Variants in MFN2 observed in about 807,000 individuals in gnomAD.
MFN2 encodes the protein mitofusin-2.
MFN2 carries 43 observed loss-of-function variants against 87.5 expected under a neutral mutation model. The ratio of observed to expected loss-of-function variants is 0.49; its 90% CI spans 0.38 to 0.63. The LOEUF is 0.63. Among genes scored for constraint, MFN2 ranks in the 30% least tolerant of loss-of-function variants. MFN2 has a pLI of 0.00. For synonymous variants in MFN2, 337 were observed against 359.9 expected, an observed-to-expected ratio of 0.94 and a Z score of 0.72; for missense variants, 743 against 972.8, an observed-to-expected ratio of 0.76 and a Z score of 3.14.
In MFN2 at chr1:12,011,571, A is replaced by T. The variant is rs1156820690; in HGVS notation, c.*6A>T. ...ACCTGCAGCCCAGCAGATAGTGGGC[A>T]CCTGAGGCGGAGTCTGCGTGGAGAG... On this transcript the variant is annotated 3_prime_UTR_variant, in exon 19 of 19. Transcript: ENST00000235329. The T allele has an allele frequency of 6.2e-7, 1 of 1,613,754 alleles. No homozygotes were observed. The highest frequency in any genetic ancestry group is 1.1e-5 in the South Asian group (1 of 91,060).
intron 3 of MFN2, among the ~76,000 whole-genome samples, chr1:11,991,785 G>T (rs866044332): frequency 6.7e-6 from 1 of 150,342 alleles, no homozygotes; most frequent in Non-Finnish European, 1.5e-5. Flanking sequence ...TTAGCCGGGC[G>T]TAGTGGCGGG....
intron 16 of MFN2, 125 bp from the exon 17 acceptor site, chr1:12,006,928 G>A (rs889180162): frequency 1.5e-6 from 2 of 1,347,858 alleles, no homozygotes; most frequent in Non-Finnish European, 2.1e-6. Context: ...ATTGAAAGAG[G>A]AACTCAGAGT....
intron 17 of MFN2, 73 bp downstream of exon 17, chr1:12,007,322 C>T: frequency 6.4e-7 from 1 of 1,551,800 alleles, no homozygotes; most frequent in Non-Finnish European, 8.8e-7. Flanking sequence ...TTCCCCATCT[C>T]TCTTCCCACG....
Position 12,003,236 on chromosome 1 carries a change from G to A in MFN2, c.1161-756G>A, listed in dbSNP as rs1639254740. Among the ~76,000 whole-genome samples the A allele has an allele frequency of 1.3e-5, 2 of 150,898 alleles. No individual in the cohort carries two copies. The highest frequency in any genetic ancestry group is 4.9e-5 in the African/African-American group (2 of 40,924). ...GTTTCCAGTTTTAGTCAGTTTTCTT[G>A]ATGCTCTTCAGAACAGCCGTACCCA... On this transcript the variant is annotated intron_variant, in intron 11 of 18. Transcript: ENST00000235329. The surrounding 1 kb of genome is among the most constrained non-coding windows in gnomAD (Gnocchi z 4.1).
At chr1:12,000,968 C>T (rs1047878850) in intron 8 of MFN2, among the ~76,000 whole-genome samples, 1 of 152,156 alleles carries the variant, frequency 6.6e-6, no homozygotes, top group Non-Finnish European at 1.5e-5. Context: ...TAGTGGGGGA[C>T]ATTACACTGT....
chr1:11,992,849 G>C (rs781590452), intron 4 of MFN2, among the ~76,000 whole-genome samples, 159 bp downstream of exon 4: 28 of 151,650 alleles, frequency 1.8e-4, no homozygotes, highest in Non-Finnish European at 3.2e-4. Flanking sequence ...TTTGAGACAG[G>C]GTTCTCTGTC....
intron 1 of MFN2, among the ~76,000 whole-genome samples, chr1:11,981,609 C>A (rs1645985475): frequency 6.6e-6 from 1 of 152,242 alleles, no homozygotes; most frequent in Non-Finnish European, 1.5e-5. Flanking sequence ...TCAGTCAGTT[C>A]TTCTGTTCCT....
Position 11,995,706 on chromosome 1 carries a change from A to G in MFN2, c.312-450A>G, listed in dbSNP as rs114160628. On this transcript the variant is annotated intron_variant, in intron 4 of 18. Transcript: ENST00000235329. ...CTGGCAGTTGTCAGCTGGGACTCAC[A>G]AGGTGGAGCTTCATGTGTAAGGAGG... is the stretch of plus-strand genomic sequence containing the variant. Among the ~76,000 whole-genome samples the G allele has an allele frequency of 7.2e-3, 1,101 of 152,272 alleles. 11 individuals are homozygous for G. The highest frequency in any genetic ancestry group is 0.025 in the African/African-American group (1,033 of 41,558).
chr1:11,994,814 C>T (rs1416572858), intron 4 of MFN2, among the ~76,000 whole-genome samples: 3 of 152,118 alleles, frequency 2.0e-5, no homozygotes, highest in East Asian at 3.8e-4. Flanking sequence ...TCACTGGGTG[C>T]AGGTAAGGTC....
chr1:11,990,920 C>T (rs761366611), intron 3 of MFN2, among the ~76,000 whole-genome samples: 62 of 152,158 alleles, frequency 4.1e-4, no homozygotes, highest in Non-Finnish European at 7.3e-4. Context: ...CCTTTCATGG[C>T]GCTGGCTGTG....
chr1:12,001,384 A>C lies in MFN2; in HGVS notation c.817-17A>C. 6.2e-7 allele frequency: 1 copy of C among 1,612,916 alleles called. No individual in the cohort carries two copies. The highest frequency in any genetic ancestry group is 1.3e-5 in the African/African-American group (1 of 75,012). On this transcript the variant is annotated splice_polypyrimidine_tract_variant and intron_variant, in intron 8 of 18. Transcript: ENST00000235329. ...GGCCACCTACACTCACTCTGGACACATTTGTTTGGGCTCCAGGTGCGGCGG... is the reference window on the plus strand; with the variant it reads ...GGCCACCTACACTCACTCTGGACACCTTTGTTTGGGCTCCAGGTGCGGCGG...
chr1:12,007,275 AG>A lies in MFN2; in HGVS notation c.2069+30del, dbSNP rs768942921. Reference sequence around the variant, plus strand: ...GTGAGTGGCCCTGTCGGACCCCAGCAGGGGACTTCCTTTAGGCAGGGTCAGC... The same window carrying A: ...GTGAGTGGCCCTGTCGGACCCCAGCAGGGACTTCCTTTAGGCAGGGTCAGC... On this transcript the variant is annotated intron_variant, in intron 17 of 18. Transcript: ENST00000235329. 13 of 1,610,610 alleles carry A rather than the reference AG, an allele frequency of 8.1e-6. No individual in the cohort carries two copies. The Admixed American group carries it at 2.0e-4, about 25-fold the overall frequency.
chr1:11,997,462 G>A, intron 6 of MFN2, 41 bp downstream of exon 6: 1 of 1,612,588 alleles, frequency 6.2e-7, no homozygotes, highest in African/African-American at 1.3e-5. Flanking sequence ...AAACTGGAAG[G>A]CACCAGGTTT....
chr1:11,997,977 G>A (rs1335096181), intron 6 of MFN2, among the ~76,000 whole-genome samples: 11 of 136,726 alleles, frequency 8.0e-5, no homozygotes, highest in African/African-American at 1.4e-4. Context: ...TCCGCCTCCC[G>A]GGTTCAAGTG....
chr1:11,983,718 G>A (rs1269665652), intron 2 of MFN2, among the ~76,000 whole-genome samples: 1 of 152,212 alleles, frequency 6.6e-6, no homozygotes. Context: ...AAAGCCTTGA[G>A]ATAATTGGGG....
rs1639776306 is a variant in MFN2 at position 12,013,475 on chromosome 1, ATTG to A, written c.*1911_*1913del. The A allele has an allele frequency of 9.9e-6, 4 of 405,510 alleles. No individual in the cohort carries two copies. Among genetic ancestry groups the A allele is most frequent in the Non-Finnish European group, 2.0e-5 (4 of 196,258 alleles). 25.1% of individuals were successfully genotyped at this position (405,510 alleles called of 1,614,324 possible). ...TTACTCCTGTATCATTGCTCATAAT[ATTG>A]GAAACTAAAATAAAACCTAGTTGGA... On this transcript the variant is annotated 3_prime_UTR_variant, in exon 19 of 19. Coordinates refer to ENST00000235329, the MANE Select transcript of MFN2 (RefSeq NM_014874.4).
At chr1:11,980,893 T>C (rs567605629) in intron 1 of MFN2, among the ~76,000 whole-genome samples, 63 of 152,372 alleles carry the variant, frequency 4.1e-4, no homozygotes, top group African/African-American at 1.5e-3. Context: ...TGTTTACTTA[T>C]ATGACTTCTC....
chr1:11,995,754 G>A (rs905966128), intron 4 of MFN2, among the ~76,000 whole-genome samples: 2 of 152,180 alleles, frequency 1.3e-5, no homozygotes, highest in Non-Finnish European at 2.9e-5. Flanking sequence ...GAAAAGCAGC[G>A]AAACATGCCC....
Position 12,004,896 on chromosome 1 carries a change from C to T in MFN2, c.1464C>T (p.Asn488=), listed in dbSNP as rs1459334754. 2 of 1,612,998 alleles carry T rather than the reference C, an allele frequency of 1.2e-6. No homozygotes were observed. The highest frequency in any genetic ancestry group is 2.2e-5 in the East Asian group (1 of 44,818). ...ACCGCTGCTCCACGGCCATCACCAA[C>T]TCCCTGCAGACCATGCAGCAGGACA... The part of the protein sequence containing the change: ...MSDRCSTAIT[N]SLQTMQQDMI... Residue 488 remains asparagine (N), a synonymous_variant, in exon 14 of 19, where the codon AAC becomes AAT. Transcript: ENST00000235329. The surrounding 1 kb of genome is among the most constrained non-coding windows in gnomAD (Gnocchi z 4.2).
Sources: allele counts gnomAD v4.1 joint callset (sites outside exome capture counted in the v4.1 genomes callset), GRCh38; gene constraint gnomAD v4.1.1; non-coding constraint Gnocchi (gnomAD v3.1); transcripts MANE v1.5; gene names NCBI Gene and HGNC (gene_info 2026-07-23, HGNC 2026-07-21).